CEP44: variants seen among roughly 807,000 people sequenced by gnomAD.
CEP44 encodes the protein centrosomal protein 44.
A neutral mutation model predicts 46.7 loss-of-function variants in CEP44; 45 were observed. The ratio of observed to expected loss-of-function variants is 0.96; its 90% CI spans 0.76 to 1.24. CEP44 has a LOEUF of 1.24. CEP44 is among the 50% of genes most tolerant of loss of function. The pLI, the probability that CEP44 is intolerant of heterozygous loss-of-function variation, is 0.00. For missense variants in CEP44, 475 were observed against 459.7 expected (o/e 1.03, Z -0.30); for synonymous variants, 142 against 146.0 (o/e 0.97, Z 0.20).
In CEP44 at chr4:174,302,023, C is replaced by T; in HGVS notation, c.90-16C>T. ...TTAAATGCTTATTAAAAATATTTTT[C>T]TTTTTTTCCTAACAGTTTGATAAAG... On this transcript the variant is annotated splice_polypyrimidine_tract_variant and intron_variant, in intron 3 of 11. Transcript: ENST00000503780. 6.4e-7 allele frequency: 1 copy of T among 1,572,100 alleles called. No individual in the cohort carries two copies. The highest frequency in any genetic ancestry group is 8.6e-7 in the Non-Finnish European group (1 of 1,168,226).
chr4:174,314,193 A>T lies in CEP44; in HGVS notation c.962-1973A>T, dbSNP rs2126654106. ...TTACAGAGACTTCTTAGCAGTCACT[A>T]CTGAAGTACATAACAACTGGTGTCA... On this transcript the variant is annotated intron_variant, in intron 9 of 11. Coordinates refer to ENST00000503780, the MANE Select transcript of CEP44 (RefSeq NM_001040157.3). The surrounding 1 kb of genome is among the most constrained non-coding windows in gnomAD (Gnocchi z 4.1). 6.6e-6 allele frequency among the ~76,000 whole-genome samples: 1 copy of T among 152,260 alleles called. No homozygotes were observed. Among genetic ancestry groups the T allele is most frequent in the Admixed American group, 6.5e-5 (1 of 15,282 alleles).
At position 174,297,205 on chromosome 4, in the gene CEP44, A is replaced by T. The variant is rs1050911776; in HGVS notation, c.-147-761A>T. Among the ~76,000 whole-genome samples the T allele has an allele frequency of 6.6e-6, 1 of 151,964 alleles. No individual in the cohort carries two copies. The highest frequency in any genetic ancestry group is 6.6e-5 in the Admixed American group (1 of 15,252). On this transcript the variant is annotated intron_variant, in intron 1 of 11. Transcript: ENST00000503780. The surrounding 1 kb of genome is among the most constrained non-coding windows in gnomAD (Gnocchi z 4.3). ...TTCTCACAAGCTTAATATTTTTTAT[A>T]TCCTTCTATTCTTGTTTTAGGTTTT...
chr4:174,303,583 G>T (rs968156884), intron 4 of CEP44, 120 bp from the exon 5 acceptor site: 53 of 547,626 alleles, frequency 9.7e-5, no homozygotes, highest in Non-Finnish European at 1.1e-4. Context: ...TTAGTTAATG[G>T]CTTGGTTTTC....
At chr4:174,305,581 C>G (rs1456917959) in intron 6 of CEP44, among the ~76,000 whole-genome samples, 3 of 152,160 alleles carry the variant, frequency 2.0e-5, no homozygotes, top group Non-Finnish European at 2.9e-5. Context: ...AAGAATGATA[C>G]AAAGCCGCCA....
At chr4:174,332,878 C>T (rs1194523282) in exon 9 of CEP44, 2 of 152,106 alleles carry the variant, frequency 1.3e-5, no homozygotes, top group Non-Finnish European at 2.9e-5. Context: ...ACCTGTTAAC[C>T]TTCCTGGGTT....
rs986442005 is a variant in CEP44 at position 174,290,003 on chromosome 4, G to A, written c.-148+6060G>A. Among the ~76,000 whole-genome samples, 1 of 151,678 alleles carries A rather than the reference G, an allele frequency of 6.6e-6. No individual in the cohort carries two copies. The highest frequency in any genetic ancestry group is 1.5e-5 in the Non-Finnish European group (1 of 67,882). ...CCCAAGTAGGTGGGACTAGAGCCAC[G>A]CACCACCATGCTCAGCTAATTTTTG... is the stretch of plus-strand genomic sequence containing the variant. On this transcript the variant is annotated intron_variant, in intron 1 of 11. Coordinates refer to ENST00000503780, the MANE Select transcript of CEP44 (RefSeq NM_001040157.3). This position sits in a 1 kb window ranked among gnomAD's most constrained non-coding sequence, Gnocchi z 4.3.
chr4:174,297,217 T>C lies in CEP44; in HGVS notation c.-147-749T>C, dbSNP rs912385419. ...TAATATTTTTTATATCCTTCTATTC[T>C]TGTTTTAGGTTTTAATTTTTTTTTC... On this transcript the variant is annotated intron_variant, in intron 1 of 11. Coordinates refer to ENST00000503780, the MANE Select transcript of CEP44 (RefSeq NM_001040157.3). The surrounding 1 kb of genome is among the most constrained non-coding windows in gnomAD (Gnocchi z 4.3). Among the ~76,000 whole-genome samples, 6 of 152,136 alleles carry C rather than the reference T, an allele frequency of 3.9e-5. No individual in the cohort carries two copies. Among genetic ancestry groups the C allele is most frequent in the African/African-American group, 9.7e-5 (4 of 41,440 alleles).
downstream of CEP44, among the ~76,000 whole-genome samples, chr4:174,320,698 G>A (rs866500770): frequency 2.2e-5 from 2 of 90,588 alleles, no homozygotes; most frequent in African/African-American, 3.8e-5. Context: ...GTGTGTGTGT[G>A]TGTGTATGTG....
chr4:174,319,868 T>G lies in CEP44; in HGVS notation c.*2485T>G. On this transcript the variant is annotated 3_prime_UTR_variant, in exon 12 of 12. Coordinates refer to ENST00000503780, the MANE Select transcript of CEP44 (RefSeq NM_001040157.3). ...ATCAGCAAATTGTTATTTTAAAAAG[T>G]TTTCTTGTTTAGGCAATTTGGTAAG... The G allele has an allele frequency of 2.0e-6, 2 of 985,306 alleles. No individual in the cohort carries two copies. The highest frequency in any genetic ancestry group is 2.4e-6 in the Non-Finnish European group (2 of 829,832). The allele number at this position is 985,306 out of a possible 1,614,324, so 61.0% of individuals were successfully genotyped here. A position where few individuals can be genotyped will look rare whatever the true frequency, so the allele number is the denominator to read the frequency against.
intron 1 of CEP44, among the ~76,000 whole-genome samples, chr4:174,295,275 C>A (rs565260739): frequency 1.7e-4 from 25 of 150,952 alleles, no homozygotes; most frequent in African/African-American, 5.6e-4. Context: ...TCAGACGGAG[C>A]GGCTGGGCAG....
Position 174,310,834 on chromosome 4 carries a change from A to T in CEP44, c.937A>T (p.Ser313Cys), listed in dbSNP as rs1456648130. ...AGTTAGTGAAGACTACGCTTCTTGT[A>T]GTGACATGGACCTTCTGAATCCTCG... ...NEVSEDYASCSDMDLLNPHRK... is the reference protein window; with the variant it reads ...NEVSEDYASCCDMDLLNPHRK... Residue 313 changes from serine to cysteine, a missense_variant, in exon 9 of 12, where the codon AGT becomes TGT. Physicochemically the swap from Ser to Cys is moderately radical, Grantham distance 112 (BLOSUM62 -1). Coordinates refer to ENST00000503780, the MANE Select transcript of CEP44 (RefSeq NM_001040157.3). The surrounding 1 kb of genome is among the most constrained non-coding windows in gnomAD (Gnocchi z 4.2). The T allele has an allele frequency of 1.3e-6, 2 of 1,520,896 alleles. No individual in the cohort carries two copies. The highest frequency in any genetic ancestry group is 3.6e-5 in the Admixed American group (2 of 56,060). The allele number at this position is 1,520,896 out of a possible 1,614,324, so 94.2% of individuals were successfully genotyped here. A position where few individuals can be genotyped will look rare whatever the true frequency, so the allele number is the denominator to read the frequency against.
intron 1 of CEP44, among the ~76,000 whole-genome samples, chr4:174,291,866 T>C (rs1256579396): frequency 6.9e-6 from 1 of 144,832 alleles, no homozygotes; most frequent in African/African-American, 2.5e-5. Context: ...TCTCAGCTCA[T>C]TGCAACCTCA....
In CEP44 at chr4:174,331,660, T is replaced by C; in HGVS notation, c.*65T>C. The stretch of plus-strand genomic sequence containing the variant: ...TACTCTGATGTTTCAGTGAAGCTCA[T>C]CCACGAAGTCCAGAATTCTGCCTGG... On this transcript the variant is annotated 3_prime_UTR_variant, in exon 9 of 9. Transcript: ENST00000426172. The surrounding 1 kb of genome is among the most constrained non-coding windows in gnomAD (Gnocchi z 4.5). 2 of 1,506,486 alleles carry C rather than the reference T, an allele frequency of 1.3e-6. No homozygotes were observed. 93.3% of individuals were successfully genotyped at this position (1,506,486 alleles called of 1,614,324 possible).
chr4:174,319,122 C>G lies in CEP44; in HGVS notation c.*1739C>G, dbSNP rs77420972. 2.0e-3 allele frequency: 1,928 copies of G among 984,622 alleles called. 19 individuals carry two copies. In the African/African-American group the frequency reaches 0.031, roughly 16 times the overall value. The allele number at this position is 984,622 out of a possible 1,614,324, so 61.0% of individuals were successfully genotyped here. ...CATGCTTGGCCACATTTTTAGTATT[C>G]TAATAAACAGTTGGTCATCAGAACT... is the stretch of plus-strand genomic sequence containing the variant. On this transcript the variant is annotated 3_prime_UTR_variant, in exon 12 of 12. Coordinates refer to ENST00000503780, the MANE Select transcript of CEP44 (RefSeq NM_001040157.3).
chr4:174,321,335 C>G (rs1162480080), downstream of CEP44, among the ~76,000 whole-genome samples: 1 of 152,150 alleles, frequency 6.6e-6, no homozygotes, highest in Non-Finnish European at 1.5e-5. Context: ...CATTTAGTAT[C>G]TTGGCCTCCT....
In CEP44 at chr4:174,326,064, A is replaced by G. The variant is rs1463561988; in HGVS notation, c.1087-5418A>G. Among the ~76,000 whole-genome samples, 3 of 152,156 alleles carry G rather than the reference A, an allele frequency of 2.0e-5. No homozygotes were observed. Among genetic ancestry groups the G allele is most frequent in the African/African-American group, 7.2e-5 (3 of 41,464 alleles). Reference sequence around the variant, plus strand: ...TAGATTATTTACATTTAACTTGATTATGGATATGGTTCAAATCTACCACCT... The same window carrying G: ...TAGATTATTTACATTTAACTTGATTGTGGATATGGTTCAAATCTACCACCT... On this transcript the variant is annotated intron_variant, in intron 8 of 8. Coordinates refer to the CEP44 transcript ENST00000426172. The surrounding 1 kb of genome is among the most constrained non-coding windows in gnomAD (Gnocchi z 4.8).
At chr4:174,316,670 C>G in intron 11 of CEP44, 103 bp downstream of exon 11, 1 of 1,061,564 alleles carries the variant, frequency 9.4e-7, no homozygotes. Context: ...CCTTAAAGGT[C>G]TCTCAATCAG....
rs1741897367 is a variant in CEP44 at position 174,317,729 on chromosome 4, T to A, written c.*346T>A. 3.0e-6 allele frequency: 3 copies of A among 990,926 alleles called. No homozygotes were observed. Among genetic ancestry groups the A allele is most frequent in the Non-Finnish European group, 3.6e-6 (3 of 833,438 alleles). The allele number at this position is 990,926 out of a possible 1,614,324, so 61.4% of individuals were successfully genotyped here. On this transcript the variant is annotated 3_prime_UTR_variant, in exon 12 of 12. Coordinates refer to ENST00000503780, the MANE Select transcript of CEP44 (RefSeq NM_001040157.3). ...TAAAGCACAGGCTTGAGGACTATGG[T>A]TTACATCCTGTTGGAAACATTCCAA... is the stretch of plus-strand genomic sequence containing the variant.
intron 1 of CEP44, among the ~76,000 whole-genome samples, chr4:174,293,552 G>T (rs1308087652): frequency 6.6e-6 from 1 of 152,000 alleles, no homozygotes; most frequent in Non-Finnish European, 1.5e-5. Context: ...AGTGTTTTTT[G>T]TGCTATGATA....
Sources: allele counts gnomAD v4.1 joint callset (sites outside exome capture counted in the v4.1 genomes callset), GRCh38; gene constraint gnomAD v4.1.1; non-coding constraint Gnocchi (gnomAD v3.1); transcripts MANE v1.5; gene names NCBI Gene and HGNC (gene_info 2026-07-23, HGNC 2026-07-21).